Variants in EPHA6 observed in about 807,000 individuals in gnomAD.
EPHA6 encodes the protein ephrin type-A receptor 6.
Under a neutral mutation model 112.0 loss-of-function variants are expected in EPHA6, and 50 were observed. The ratio of observed to expected loss-of-function variants is 0.45; its 90% CI spans 0.36 to 0.56. The LOEUF is 0.56. Ranked by LOEUF, EPHA6 falls within the 20% of genes least tolerant of loss-of-function variation. EPHA6 has a pLI of 0.00. For missense variants in EPHA6, 1,280 were observed against 1,417.4 expected, an observed-to-expected ratio of 0.90 and a Z score of 1.56; for synonymous variants, 529 against 490.7, an observed-to-expected ratio of 1.08 and a Z score of -1.03.
chr3:97,208,608 A>C (rs953285232), intron 3 of EPHA6, among the ~76,000 whole-genome samples: 14 of 152,022 alleles, frequency 9.2e-5, no homozygotes, highest in African/African-American at 3.1e-4. Context: ...ATAGCTGGAC[A>C]TGGTGGTGCA....
intron 1 of EPHA6, among the ~76,000 whole-genome samples, chr3:96,841,772 G>A (rs1423102995): frequency 6.6e-6 from 1 of 152,008 alleles, no homozygotes; most frequent in Admixed American, 6.6e-5. Context: ...TTTAACAAAA[G>A]TATACATAAA....
At chr3:97,092,210 T>C (rs1426419330) in intron 3 of EPHA6, among the ~76,000 whole-genome samples, 1 of 152,120 alleles carries the variant, frequency 6.6e-6, no homozygotes, top group Non-Finnish European at 1.5e-5. Context: ...TCTTACCATA[T>C]TTACTCTTTC....
At chr3:97,468,683 A>T (rs1310549571) in intron 7 of EPHA6, among the ~76,000 whole-genome samples, 1 of 151,772 alleles carries the variant, frequency 6.6e-6, no homozygotes, top group Admixed American at 6.6e-5. Flanking sequence ...AGGGAATGTA[A>T]TGTAAAATTA....
chr3:96,942,847 C>A (rs2041048527), intron 2 of EPHA6, among the ~76,000 whole-genome samples: 1 of 152,070 alleles, frequency 6.6e-6, no homozygotes, highest in Admixed American at 6.5e-5. Flanking sequence ...GGATACAAAC[C>A]AGGGTATTCC....
At chr3:96,980,387 G>C (rs9683285) in intron 2 of EPHA6, among the ~76,000 whole-genome samples, 3,793 of 145,052 alleles carry the variant, frequency 0.026, 155 homozygotes, top group African/African-American at 0.089. Flanking sequence ...TTTCTGAGGG[G>C]TCTGTTCTGT....
At chr3:97,275,349 T>C (rs1036857953) in intron 5 of EPHA6, among the ~76,000 whole-genome samples, 5 of 152,140 alleles carry the variant, frequency 3.3e-5, no homozygotes, top group African/African-American at 7.2e-5. Flanking sequence ...TGAAGCCTCG[T>C]GGCAGTACAG....
intron 14 of EPHA6, among the ~76,000 whole-genome samples, chr3:97,664,445 A>G (rs1560244863): frequency 6.6e-6 from 1 of 152,158 alleles, no homozygotes; most frequent in Non-Finnish European, 1.5e-5. Context: ...ACTCCTATTC[A>G]ACATAGTGTT....
At chr3:97,164,587 A>G (rs954106363) in intron 3 of EPHA6, among the ~76,000 whole-genome samples, 2 of 152,074 alleles carry the variant, frequency 1.3e-5, no homozygotes, top group African/African-American at 4.8e-5. Context: ...GGAAATACTG[A>G]GTACTTCAGT....
At position 96,993,920 on chromosome 3, in the gene EPHA6, G is replaced by A. The variant is rs1029486337; in HGVS notation, c.1114+5927G>A. Reference sequence around the variant, plus strand: ...AGACACAATAAGCTGATTTAAAATAGAATAAATCTGTATCTAGTCATACTC... The same window carrying A: ...AGACACAATAAGCTGATTTAAAATAAAATAAATCTGTATCTAGTCATACTC... On this transcript the variant is annotated intron_variant, in intron 3 of 17. Coordinates refer to ENST00000389672, the MANE Select transcript of EPHA6 (RefSeq NM_001080448.3). Among the ~76,000 whole-genome samples, 4 of 152,122 alleles carry A rather than the reference G, an allele frequency of 2.6e-5. No homozygotes were observed. In the South Asian group the frequency reaches 8.3e-4, roughly 32 times the overall value.
chr3:97,207,995 G>A (rs756890880), intron 3 of EPHA6, among the ~76,000 whole-genome samples: 2 of 152,118 alleles, frequency 1.3e-5, no homozygotes, highest in South Asian at 4.1e-4. Flanking sequence ...TCAAGGAACC[G>A]TATTCCAATC....
intron 5 of EPHA6, among the ~76,000 whole-genome samples, chr3:97,306,391 C>T (rs1441021984): frequency 1.3e-5 from 2 of 150,660 alleles, no homozygotes; most frequent in Non-Finnish European, 3.0e-5. Flanking sequence ...GCCCTTAAGG[C>T]ACAATACAAG....
intron 5 of EPHA6, among the ~76,000 whole-genome samples, chr3:97,354,829 T>C (rs553336606): frequency 6.6e-6 from 1 of 152,030 alleles, no homozygotes; most frequent in African/African-American, 2.4e-5. Flanking sequence ...CTCCCAAAGG[T>C]TGAGGATAAA....
chr3:97,761,209 AATATT>A lies in EPHA6; in HGVS notation c.*12510_*12514del, dbSNP rs2036158836. 1.0e-5 allele frequency: 2 copies of A among 197,672 alleles called. No individual in the cohort carries two copies. Among genetic ancestry groups the A allele is most frequent in the African/African-American group, 4.6e-5 (2 of 43,364 alleles). 12.2% of individuals were successfully genotyped at this position (197,672 alleles called of 1,614,324 possible). On this transcript the variant is annotated 3_prime_UTR_variant, in exon 18 of 18. Transcript: ENST00000389672. ...TTTTTATCTTACAAAAATCTACTAT[AATATT>A]AATAACTTTCCATGTAAATTTTCAT...
At chr3:97,674,321 A>G (rs570250246) in intron 14 of EPHA6, among the ~76,000 whole-genome samples, 100 of 152,348 alleles carry the variant, frequency 6.6e-4, no homozygotes, top group African/African-American at 2.1e-3. Flanking sequence ...TAAAACACTC[A>G]GGCAAGAACA....
At chr3:97,224,230 G>C (rs1330675209) in intron 3 of EPHA6, among the ~76,000 whole-genome samples, 1 of 152,002 alleles carries the variant, frequency 6.6e-6, no homozygotes, top group Non-Finnish European at 1.5e-5. Flanking sequence ...ATTGCTGTTA[G>C]ACACAGTGTA....
At chr3:97,217,958 A>G (rs968587874) in intron 3 of EPHA6, among the ~76,000 whole-genome samples, 2 of 152,188 alleles carry the variant, frequency 1.3e-5, no homozygotes, top group African/African-American at 2.4e-5. Context: ...CTAGAATATC[A>G]TATACTTATA....
chr3:96,849,515 C>T (rs1480092788), intron 1 of EPHA6, among the ~76,000 whole-genome samples: 1 of 152,082 alleles, frequency 6.6e-6, no homozygotes, highest in Non-Finnish European at 1.5e-5. Flanking sequence ...TGGTAGAATC[C>T]TTCAGTGGGA....
intron 5 of EPHA6, among the ~76,000 whole-genome samples, chr3:97,370,672 T>C (rs1188469189): frequency 6.6e-6 from 1 of 152,196 alleles, no homozygotes; most frequent in East Asian, 1.9e-4. Context: ...TTTTATTGGC[T>C]TTAACATGAC....
rs951821819 is a variant in EPHA6 at position 97,749,089 on chromosome 3, T to A, written c.*388T>A. 1 of 240,258 alleles carries A rather than the reference T, an allele frequency of 4.2e-6. No homozygotes were observed. Among genetic ancestry groups the A allele is most frequent in the African/African-American group, 2.2e-5 (1 of 45,576 alleles). The allele number at this position is 240,258 out of a possible 1,614,324, so 14.9% of individuals were successfully genotyped here. ...GTAGATGAGAAAGAACTAGTTGACC[T>A]TTCTTTCATGTTTTGTGATCAAGTA... On this transcript the variant is annotated 3_prime_UTR_variant, in exon 18 of 18. Transcript: ENST00000389672.
Sources: allele counts gnomAD v4.1 joint callset (sites outside exome capture counted in the v4.1 genomes callset), GRCh38; gene constraint gnomAD v4.1.1; transcripts MANE v1.5; gene names NCBI Gene and HGNC (gene_info 2026-07-23, HGNC 2026-07-21).